Variants in CACUL1 observed in about 807,000 individuals in gnomAD.
CACUL1 encodes CDK2 associated cullin domain 1.
A neutral mutation model predicts 45.2 loss-of-function variants in CACUL1; 13 were observed. That is an observed-to-expected ratio of 0.29 (90% CI 0.19 to 0.46). The LOEUF (loss-of-function observed/expected upper bound fraction) is 0.46. Ranked by LOEUF, CACUL1 falls within the 20% of genes least tolerant of loss-of-function variation. The pLI is 1.00. For synonymous variants in CACUL1, 197 were observed against 174.2 expected (o/e 1.13, Z -1.03); for missense variants, 421 against 471.4 (o/e 0.89, Z 0.99).
chr10:118,754,663 G>A lies in CACUL1; in HGVS notation c.100C>T (p.Gln34Ter), dbSNP rs751539593. 6.2e-7 allele frequency: 1 copy of A among 1,607,586 alleles called. No individual in the cohort carries two copies. Among genetic ancestry groups the A allele is most frequent in the African/African-American group, 1.4e-5 (1 of 73,968 alleles). ...GGGGGCGGCGGAGGTGGCAGGGGCT[G>A]CCGGAAGCCGTCCACCGCAGCCTCC... is the stretch of plus-strand genomic sequence containing the variant. ...NWEAAVDGFR[Q>*]PLPPPPPPSS... Residue 34 changes from glutamine to a stop codon, truncating the protein, a stop_gained, in exon 1 of 9, where the codon CAG becomes TAG. Transcript: ENST00000369151. LOFTEE classifies it high-confidence loss of function.
intron 5 of CACUL1, among the ~76,000 whole-genome samples, chr10:118,698,969 G>T: frequency 6.6e-6 from 1 of 152,150 alleles, no homozygotes; most frequent in East Asian, 1.9e-4. Context: ...AAGTAGAAAC[G>T]ACATTAATAG....
intron 3 of CACUL1, among the ~76,000 whole-genome samples, chr10:118,717,306 C>T (rs1845556100): frequency 6.6e-6 from 1 of 152,212 alleles, no homozygotes; most frequent in Admixed American, 6.5e-5. Context: ...GCACTGAAAT[C>T]AGTAAAAATA....
At position 118,685,035 on chromosome 10, in the gene CACUL1, C is replaced by T. The variant is rs1268925492; in HGVS notation, c.*1093G>A. 2 of 152,186 alleles carry T rather than the reference C, an allele frequency of 1.3e-5. No individual in the cohort carries two copies. The highest frequency in any genetic ancestry group is 6.5e-5 in the Admixed American group (1 of 15,278). The allele number at this position is 152,186 out of a possible 1,614,324, so 9.4% of individuals were successfully genotyped here. A position where few individuals can be genotyped will look rare whatever the true frequency, so the allele number is the denominator to read the frequency against. ...AGGGAGCCTTAGGACAGCAGTGCTACTTCTTCCCTATCACACTCAAATATA... is the reference window on the plus strand; with the variant it reads ...AGGGAGCCTTAGGACAGCAGTGCTATTTCTTCCCTATCACACTCAAATATA... On this transcript the variant is annotated 3_prime_UTR_variant, in exon 9 of 9. Transcript: ENST00000369151.
intron 7 of CACUL1, among the ~76,000 whole-genome samples, chr10:118,687,925 C>T (rs10886285): frequency 0.28 from 42,338 of 152,134 alleles, 6,059 homozygotes; most frequent in East Asian, 0.39. Flanking sequence ...CACCCCACTG[C>T]CTAGAAGAGT....
intron 7 of CACUL1, among the ~76,000 whole-genome samples, chr10:118,688,252 C>G (rs1845227747): frequency 6.6e-6 from 1 of 152,228 alleles, no homozygotes; most frequent in African/African-American, 2.4e-5. Context: ...CCTCAGGCCA[C>G]TTTTTAAACA....
chr10:118,712,242 G>A (rs75197097), intron 3 of CACUL1, among the ~76,000 whole-genome samples: 14,504 of 152,244 alleles, frequency 0.095, 739 homozygotes, highest in Admixed American at 0.15. Context: ...GGCAGGCTGC[G>A]CTCGGCTCAT....
chr10:118,748,187 G>A (rs536171595), intron 1 of CACUL1, among the ~76,000 whole-genome samples: 9 of 152,290 alleles, frequency 5.9e-5, no homozygotes, highest in African/African-American at 1.9e-4. Context: ...ACAGTCCTCC[G>A]TGGGCCTCAC....
intron 1 of CACUL1, among the ~76,000 whole-genome samples, chr10:118,731,835 T>C (rs11198581): frequency 0.011 from 1,719 of 152,158 alleles, 18 homozygotes; most frequent in Middle Eastern, 0.027. Flanking sequence ...ACTATGTAAA[T>C]TTAAAAAATC....
At chr10:118,709,890 T>C (rs928163383) in intron 3 of CACUL1, among the ~76,000 whole-genome samples, 1 of 151,964 alleles carries the variant, frequency 6.6e-6, no homozygotes, top group Non-Finnish European at 1.5e-5. Context: ...TTTACATTTC[T>C]TTTTTTTAAA....
At chr10:118,747,372 C>T (rs1247128922) in intron 1 of CACUL1, among the ~76,000 whole-genome samples, 1 of 151,944 alleles carries the variant, frequency 6.6e-6, no homozygotes, top group Non-Finnish European at 1.5e-5. Context: ...TAAAGTTAAA[C>T]GTATCAGTAA....
chr10:118,735,927 T>C (rs542479097), intron 1 of CACUL1, among the ~76,000 whole-genome samples: 21 of 152,230 alleles, frequency 1.4e-4, no homozygotes, highest in African/African-American at 5.1e-4. Flanking sequence ...AAAGAGCCCT[T>C]TGTTACCTGT....
chr10:118,716,884 G>T (rs1010127957), intron 3 of CACUL1, among the ~76,000 whole-genome samples: 1 of 152,188 alleles, frequency 6.6e-6, no homozygotes. Context: ...TTACAGACGT[G>T]AGCCAACGAG....
chr10:118,738,995 AGT>A (rs1845766739), intron 1 of CACUL1, among the ~76,000 whole-genome samples: 1 of 151,196 alleles, frequency 6.6e-6, no homozygotes, highest in Non-Finnish European at 1.5e-5. Flanking sequence ...CAGGAGATAG[AGT>A]CTCCTGGCTA....
intron 1 of CACUL1, among the ~76,000 whole-genome samples, chr10:118,747,702 C>T (rs1298816083): frequency 3.9e-5 from 6 of 152,050 alleles, no homozygotes; most frequent in Non-Finnish European, 7.4e-5. Context: ...TGTATGATTT[C>T]ATTTATATGA....
At chr10:118,705,401 C>T (rs1202707883) in intron 4 of CACUL1, among the ~76,000 whole-genome samples, 1 of 152,140 alleles carries the variant, frequency 6.6e-6, no homozygotes, top group Non-Finnish European at 1.5e-5. Flanking sequence ...TAGTGCTTTT[C>T]TCTCCTGGTA....
At chr10:118,753,522 C>A (rs980101193) in intron 1 of CACUL1, among the ~76,000 whole-genome samples, 1 of 152,218 alleles carries the variant, frequency 6.6e-6, no homozygotes, top group Non-Finnish European at 1.5e-5. Context: ...CCACCACCAC[C>A]GCCACGCACA....
intron 4 of CACUL1, among the ~76,000 whole-genome samples, chr10:118,701,796 G>A (rs1292765251): frequency 6.6e-6 from 1 of 152,132 alleles, no homozygotes; most frequent in Non-Finnish European, 1.5e-5. Context: ...CTGTGGACAT[G>A]CACTCGTTGA....
intron 1 of CACUL1, among the ~76,000 whole-genome samples, chr10:118,744,940 C>A (rs1845827174): frequency 6.6e-6 from 1 of 152,088 alleles, no homozygotes; most frequent in Admixed American, 6.5e-5. Flanking sequence ...AGGCATGAGC[C>A]ACCGCGCCCG....
chr10:118,732,601 T>C (rs930185337), intron 1 of CACUL1, among the ~76,000 whole-genome samples: 1 of 152,144 alleles, frequency 6.6e-6, no homozygotes, highest in African/African-American at 2.4e-5. Context: ...TTACCACCAG[T>C]AGCTCCCTCT....
Sources: allele counts gnomAD v4.1 joint callset (sites outside exome capture counted in the v4.1 genomes callset), GRCh38; gene constraint gnomAD v4.1.1; transcripts MANE v1.5; gene names NCBI Gene and HGNC (gene_info 2026-07-23, HGNC 2026-07-21).